The following CATSPERE variants were observed in gnomAD, a reference collection of about 807,000 sequenced individuals.
CATSPERE encodes cation channel sperm-associated auxiliary subunit epsilon.
Under a neutral mutation model 114.1 loss-of-function variants are expected in CATSPERE, and 93 were observed. That is an observed-to-expected ratio of 0.81 (90% confidence interval 0.69 to 0.97). CATSPERE has a LOEUF of 0.97. CATSPERE is among the 50% of genes least tolerant of loss of function. The pLI, the probability that CATSPERE is intolerant of heterozygous loss-of-function variation, is 0.00. For synonymous variants in CATSPERE, 341 were observed against 384.1 expected (o/e 0.89, Z 1.31); for missense variants, 1,058 against 1,131.6 (o/e 0.93, Z 0.93).
At chr1:244,553,642 C>CACACACAT (rs1228966092) in intron 9 of CATSPERE, among the ~76,000 whole-genome samples, 12 of 130,492 alleles carry the variant, frequency 9.2e-5, no homozygotes, top group African/African-American at 1.7e-4. Flanking sequence ...CACACACACA[C>CACACACAT]ACATACATAT....
At chr1:244,604,689 A>ACTGTCGG (rs1219157125) in intron 17 of CATSPERE, among the ~76,000 whole-genome samples, 2 of 152,248 alleles carry the variant, frequency 1.3e-5, no homozygotes, top group Non-Finnish European at 2.9e-5. Flanking sequence ...TTCATTCAGA[A>ACTGTCGG]ATATGGGAGT....
intron 10 of CATSPERE, among the ~76,000 whole-genome samples, chr1:244,564,926 A>G (rs758032083): frequency 2.0e-5 from 3 of 152,188 alleles, no homozygotes; most frequent in Non-Finnish European, 2.9e-5. Flanking sequence ...CATTGCATCA[A>G]TACCTAGTTT....
At chr1:244,505,534 A>G (rs980323657) in intron 7 of CATSPERE, among the ~76,000 whole-genome samples, 1 of 152,198 alleles carries the variant, frequency 6.6e-6, no homozygotes, top group South Asian at 2.1e-4. Context: ...ACCCTAATCT[A>G]TGACCACATT....
chr1:244,470,545 A>G (rs1668312480), intron 2 of CATSPERE, among the ~76,000 whole-genome samples: 1 of 152,050 alleles, frequency 6.6e-6, no homozygotes, highest in African/African-American at 2.4e-5. Flanking sequence ...AGAAATGGGA[A>G]CTCTTATATT....
chr1:244,516,471 C>T (rs932640727), intron 7 of CATSPERE, among the ~76,000 whole-genome samples: 4 of 151,920 alleles, frequency 2.6e-5, no homozygotes, highest in African/African-American at 2.4e-5. Flanking sequence ...CCTCAGCCTC[C>T]TGAGTAGCTG....
chr1:244,486,801 G>A (rs113298182), intron 5 of CATSPERE, among the ~76,000 whole-genome samples: 2 of 96,644 alleles, frequency 2.1e-5, no homozygotes, highest in Non-Finnish European at 4.3e-5. Context: ...CGTGGGCCAG[G>A]TGTAGACCCT....
At chr1:244,513,003 C>T in intron 7 of CATSPERE, among the ~76,000 whole-genome samples, 1 of 152,196 alleles carries the variant, frequency 6.6e-6, no homozygotes, top group East Asian at 1.9e-4. Context: ...CGTGAACCCC[C>T]TGGCAGCCTA....
intron 13 of CATSPERE, among the ~76,000 whole-genome samples, chr1:244,588,055 G>A (rs1667236137): frequency 6.6e-6 from 1 of 152,026 alleles, no homozygotes; most frequent in African/African-American, 2.4e-5. Context: ...TTAGCTGGGC[G>A]TGGTGGTGCA....
rs562767956 is a variant in CATSPERE, at chr1:244,607,842, G to A, written c.2403+2048G>A. On this transcript the variant is annotated intron_variant, in intron 18 of 21. Transcript: ENST00000366534. This position sits in a 1 kb window ranked among gnomAD's most constrained non-coding sequence, Gnocchi z 4.4. ...AGAATTAAACTTGTTGGCTAGGCAC[G>A]GTGGCTCATGCCTATAATCCCAGCA... Among the ~76,000 whole-genome samples, 2 of 152,296 alleles carry A rather than the reference G, an allele frequency of 1.3e-5. No homozygotes were observed. Among genetic ancestry groups the A allele is most frequent in the African/African-American group, 2.4e-5 (1 of 41,568 alleles).
chr1:244,572,698 T>TA lies in CATSPERE; in HGVS notation c.1877dup (p.Tyr626Ter). 4 of 1,613,824 alleles carry TA rather than the reference T, an allele frequency of 2.5e-6. No homozygotes were observed. The highest frequency in any genetic ancestry group is 3.4e-6 in the Non-Finnish European group (4 of 1,179,904). The change falls in exon 11 of 22, where the codon TAT (tyrosine) becomes TAAT (stop). Residue 626 changes from tyrosine (Y) to a stop codon, truncating the protein, a stop_gained and frameshift_variant. Transcript: ENST00000366534. LOFTEE classifies it high-confidence loss of function. ...NTGLYVIVES[Y>*]GPKILQESHE... is the part of the protein sequence containing the mutation. ...TGGTCTGTATGTTATTGTGGAATCT[T>TA]ATGGCCCAAAAATATTACAAGAGAG...
chr1:244,468,418 T>C (rs1203896941), intron 2 of CATSPERE, among the ~76,000 whole-genome samples: 1 of 152,158 alleles, frequency 6.6e-6, no homozygotes, highest in Non-Finnish European at 1.5e-5. Context: ...GAATCATCTT[T>C]TTTATCTCGA....
At chr1:244,498,715 TG>T (rs1673515222) in intron 6 of CATSPERE, among the ~76,000 whole-genome samples, 1 of 152,076 alleles carries the variant, frequency 6.6e-6, no homozygotes, top group Non-Finnish European at 1.5e-5. Flanking sequence ...CTGGCCAACA[TG>T]GTGAAACCCC....
rs746803357 is a variant in CATSPERE, at chr1:244,605,697, T to G, written c.2306T>G (p.Phe769Cys). The change falls in exon 18 of 22, where the codon TTT becomes TGT. Residue 769 changes from phenylalanine to cysteine, a missense_variant and splice_region_variant. Coordinates refer to ENST00000366534, the MANE Select transcript of CATSPERE (RefSeq NM_001130957.2). ...TTTCTGTTTGTTGTTTCTTTCAGAT[T>G]TGATGATAATGGCTATGTTAAAGAC... ...TEKFQPVVQL[F>C]DDNGYVKDVE... The G allele has an allele frequency of 6.2e-7, 1 of 1,600,654 alleles. No individual in the cohort carries two copies. The highest frequency in any genetic ancestry group is 1.7e-5 in the Admixed American group (1 of 59,840).
intron 21 of CATSPERE, among the ~76,000 whole-genome samples, chr1:244,638,702 A>C (rs114328165): frequency 6.6e-6 from 1 of 152,330 alleles, no homozygotes; most frequent in African/African-American, 2.4e-5. Flanking sequence ...ATCTACCTTA[A>C]AACTGATCCG....
At chr1:244,518,792 G>A in intron 8 of CATSPERE, 94 bp downstream of exon 8, 2 of 638,238 alleles carry the variant, frequency 3.1e-6, no homozygotes, top group South Asian at 5.2e-5. Context: ...TGTCTTATAT[G>A]TTATTTTCAA....
chr1:244,548,683 T>G (rs562924038), intron 8 of CATSPERE, among the ~76,000 whole-genome samples: 1 of 152,344 alleles, frequency 6.6e-6, no homozygotes, highest in Non-Finnish European at 1.5e-5. Context: ...CTTACCATGT[T>G]CTCCAGCTGG....
intron 6 of CATSPERE, among the ~76,000 whole-genome samples, chr1:244,498,349 G>A (rs1673443069): frequency 6.6e-6 from 1 of 152,180 alleles, no homozygotes; most frequent in African/African-American, 2.4e-5. Context: ...AAGAACTTAC[G>A]AATAATACTT....
At chr1:244,454,285 A>G (rs1161038046), upstream of CATSPERE, 1 of 152,256 alleles carries the variant, frequency 6.6e-6, no homozygotes, top group Non-Finnish European at 1.5e-5. Context: ...GAGTGGATCA[A>G]AGACAACAGG....
chr1:244,510,969 G>A (rs560649639), intron 7 of CATSPERE, among the ~76,000 whole-genome samples: 34 of 148,294 alleles, frequency 2.3e-4, no homozygotes, highest in African/African-American at 5.0e-4. Context: ...TCAGCCTCCC[G>A]AGTAGCTGGG....
Sources: gnomAD v4.1 joint callset for allele counts (sites outside exome capture counted in the v4.1 genomes callset) on GRCh38, gnomAD v4.1.1 for gene constraint, Gnocchi (gnomAD v3.1) non-coding constraint, MANE v1.5 for transcripts, NCBI Gene and HGNC (gene_info 2026-07-23, HGNC 2026-07-21) for gene names.